PLPP3: variants seen among roughly 807,000 people sequenced by gnomAD.
PLPP3 encodes the protein PAP2 beta.
In PLPP3, 6 loss-of-function variants were observed where a neutral mutation model predicts 29.6. The ratio of observed to expected loss-of-function variants is 0.20; its 90% CI spans 0.11 to 0.40. PLPP3 has a LOEUF of 0.40. PLPP3 is among the 10% of genes least tolerant of loss of function. The pLI, the probability that PLPP3 is intolerant of heterozygous loss-of-function variation, is 1.00. For missense variants in PLPP3, 308 were observed against 407.7 expected (o/e 0.76, Z 2.11); for synonymous variants, 152 against 159.7 (o/e 0.95, Z 0.36).
intron 1 of PLPP3, among the ~76,000 whole-genome samples, chr1:56,539,802 C>G (rs901739729): frequency 6.6e-6 from 1 of 152,206 alleles, no homozygotes; most frequent in African/African-American, 2.4e-5. Flanking sequence ...ACCAAGTTGG[C>G]TATGAAAAGT....
rs183172799 is a variant in PLPP3 at position 56,494,773 on chromosome 1, C to A, written c.*1778G>T. 1 of 152,630 alleles carries A rather than the reference C, an allele frequency of 6.6e-6. No individual in the cohort carries two copies. The highest frequency in any genetic ancestry group is 1.5e-5 in the Non-Finnish European group (1 of 68,044). 9.5% of individuals were successfully genotyped at this position (152,630 alleles called of 1,614,324 possible). ...TGCAAGTCCTTAATTAGTTGTGTTA[C>A]GAGCTTTTATTTAAAAAGCACATTT... On this transcript the variant is annotated 3_prime_UTR_variant, in exon 6 of 6. Transcript: ENST00000371250.
At chr1:56,572,111 G>T (rs1203960872) in intron 1 of PLPP3, among the ~76,000 whole-genome samples, 1 of 146,708 alleles carries the variant, frequency 6.8e-6, no homozygotes, top group Non-Finnish European at 1.5e-5. Flanking sequence ...GTGCAGTGGC[G>T]TGATCTTGGC....
intron 2 of PLPP3, among the ~76,000 whole-genome samples, chr1:56,529,625 G>A (rs1645873759): frequency 6.6e-6 from 1 of 152,172 alleles, no homozygotes; most frequent in Non-Finnish European, 1.5e-5. Context: ...GGAGACAGAT[G>A]TATGGCTGTA....
At chr1:56,552,938 G>A (rs1363292178) in intron 1 of PLPP3, among the ~76,000 whole-genome samples, 2 of 152,142 alleles carry the variant, frequency 1.3e-5, no homozygotes, top group Non-Finnish European at 2.9e-5. Context: ...TTCAAGGTTG[G>A]ATTCTTCTGC....
chr1:56,505,926 A>G (rs555292294), intron 5 of PLPP3, among the ~76,000 whole-genome samples: 1 of 152,264 alleles, frequency 6.6e-6, no homozygotes, highest in East Asian at 1.9e-4. Flanking sequence ...GTCGTTATCT[A>G]TTGGCGGCCA....
intron 5 of PLPP3, among the ~76,000 whole-genome samples, chr1:56,498,299 A>T (rs1569859175): frequency 2.0e-5 from 3 of 152,362 alleles, no homozygotes; most frequent in Non-Finnish European, 1.5e-5. Flanking sequence ...ACAACCTGCC[A>T]GTAGGCTCTA....
chr1:56,496,472 T>G lies in PLPP3; in HGVS notation c.*79A>C. ...GCAAAAGTTTTTCCCTACATTCTAC[T>G]GTCTGATGAGATTGGAGAGCAGCAA... is the stretch of plus-strand genomic sequence containing the variant. On this transcript the variant is annotated 3_prime_UTR_variant, in exon 6 of 6. Transcript: ENST00000371250. 6.6e-7 allele frequency: 1 copy of G among 1,507,750 alleles called. No homozygotes were observed. The highest frequency in any genetic ancestry group is 9.0e-7 in the Non-Finnish European group (1 of 1,107,474). 93.4% of individuals were successfully genotyped at this position (1,507,750 alleles called of 1,614,324 possible).
intron 5 of PLPP3, among the ~76,000 whole-genome samples, chr1:56,509,144 G>A (rs11576602): frequency 0.31 from 47,014 of 152,032 alleles, 7,588 homozygotes; most frequent in Non-Finnish European, 0.35. Context: ...AAAAATGATA[G>A]GTAAGATTGA....
intron 1 of PLPP3, among the ~76,000 whole-genome samples, chr1:56,563,560 G>C (rs1266743270): frequency 6.6e-6 from 1 of 152,204 alleles, no homozygotes; most frequent in African/African-American, 2.4e-5. Context: ...CTGGAACTGA[G>C]ATTCTCTCTG....
chr1:56,499,965 C>T (rs941340838), intron 5 of PLPP3, among the ~76,000 whole-genome samples: 7 of 152,204 alleles, frequency 4.6e-5, no homozygotes, highest in African/African-American at 1.7e-4. Flanking sequence ...TCCTACTCCA[C>T]AGATCTCTGC....
chr1:56,555,451 A>AAAC (rs1553139177), intron 1 of PLPP3, among the ~76,000 whole-genome samples: 2 of 142,182 alleles, frequency 1.4e-5, no homozygotes, highest in Non-Finnish European at 3.0e-5. Flanking sequence ...AAAAAAAAAA[A>AAAC]AAAAAAAAAC....
chr1:56,568,792 T>G (rs1030652608), intron 1 of PLPP3, among the ~76,000 whole-genome samples: 1 of 151,210 alleles, frequency 6.6e-6, no homozygotes, highest in African/African-American at 2.5e-5. Context: ...GCCTGGCTAA[T>G]TTTTTTGTAT....
At chr1:56,504,786 G>A (rs1027399987) in intron 5 of PLPP3, among the ~76,000 whole-genome samples, 3 of 151,972 alleles carry the variant, frequency 2.0e-5, no homozygotes, top group Non-Finnish European at 4.4e-5. Flanking sequence ...ACACCCTCAA[G>A]AAGAATTAAT....
In PLPP3 at chr1:56,557,008, A is replaced by AAGAAAGAAAG. The variant is rs1553139323; in HGVS notation, c.140-19897_140-19896insCTTTCTTTCT. Among the ~76,000 whole-genome samples, 78 of 13,734 alleles carry AAGAAAGAAAG rather than the reference A, an allele frequency of 5.7e-3. 5 individuals carry two copies. Among genetic ancestry groups the AAGAAAGAAAG allele is most frequent in the African/African-American group, 0.015 (65 of 4,430 alleles). The allele number at this position is 13,734 out of a possible 152,430, so 9.0% of individuals were successfully genotyped here. A position where few individuals can be genotyped will look rare whatever the true frequency, so the allele number is the denominator to read the frequency against. ...AAAGAAAGAAAGAAAGAAAGAAAGA[A>AAGAAAGAAAG]AGAGAGAGAGAGAGAGAAAGAGAGA... is the stretch of plus-strand genomic sequence containing the variant. On this transcript the variant is annotated intron_variant, in intron 1 of 5. Transcript: ENST00000371250.
chr1:56,520,910 C>CAAAAAA (rs1169318077), intron 4 of PLPP3, among the ~76,000 whole-genome samples: 16 of 61,906 alleles, frequency 2.6e-4, no homozygotes, highest in East Asian at 1.1e-3. Context: ...GACTCCATCT[C>CAAAAAA]AAAAAAAAAA....
chr1:56,499,079 C>T lies in PLPP3; in HGVS notation c.811-2403G>A, dbSNP rs1426393072. Among the ~76,000 whole-genome samples the T allele has an allele frequency of 3.1e-3, 465 of 148,594 alleles. 6 individuals are homozygous for T. Among genetic ancestry groups the T allele is most frequent in the Non-Finnish European group, 4.8e-3 (322 of 66,978 alleles). On this transcript the variant is annotated intron_variant, in intron 5 of 5. Coordinates refer to ENST00000371250, the MANE Select transcript of PLPP3 (RefSeq NM_003713.5). Reference sequence around the variant, plus strand: ...GCTGGGGACAGCTCCCCCGTCCCCCCCCCCCACCTTCCCCCCTTCAAGATC... The same window carrying T: ...GCTGGGGACAGCTCCCCCGTCCCCCTCCCCCACCTTCCCCCCTTCAAGATC...
At chr1:56,538,529 T>G (rs1406369067) in intron 1 of PLPP3, 2 of 408,928 alleles carry the variant, frequency 4.9e-6, no homozygotes, top group African/African-American at 2.3e-5. Flanking sequence ...GAGTTGTTTA[T>G]TTGGCCACGT....
At chr1:56,540,969 T>C (rs574733234) in intron 1 of PLPP3, among the ~76,000 whole-genome samples, 133 of 152,272 alleles carry the variant, frequency 8.7e-4, no homozygotes, top group African/African-American at 3.0e-3. Context: ...TTTGGAGAAA[T>C]TTCCCAGTGC....
chr1:56,499,752 A>G (rs938276626), intron 5 of PLPP3, among the ~76,000 whole-genome samples: 1 of 152,226 alleles, frequency 6.6e-6, no homozygotes, highest in Non-Finnish European at 1.5e-5. Context: ...AGACCGAAAC[A>G]GGGTTCAGTC....
Sources: allele counts gnomAD v4.1 joint callset (sites outside exome capture counted in the v4.1 genomes callset), GRCh38; gene constraint gnomAD v4.1.1; transcripts MANE v1.5; gene names NCBI Gene and HGNC (gene_info 2026-07-23, HGNC 2026-07-21).